FOXM1: variants seen among roughly 807,000 people sequenced by gnomAD.
The protein encoded by FOXM1 is forkhead box M1.
Under a neutral mutation model 63.6 loss-of-function variants are expected in FOXM1, and 25 were observed. The ratio of observed to expected loss-of-function variants is 0.39; its 90% CI spans 0.29 to 0.55. The LOEUF (loss-of-function observed/expected upper bound fraction) is 0.55, where lower values mean the gene tolerates loss of function less well. Ranked by LOEUF, FOXM1 falls within the 20% of genes least tolerant of loss-of-function variation. The pLI is 0.60. For missense variants in FOXM1, 879 were observed against 958.7 expected (o/e 0.92, Z 1.10); for synonymous variants, 387 against 376.9 (o/e 1.03, Z -0.31).
chr12:2,871,863 G>A (rs887305330), intron 3 of FOXM1, among the ~76,000 whole-genome samples: 1 of 152,136 alleles, frequency 6.6e-6, no homozygotes, highest in African/African-American at 2.4e-5. Context: ...TAAACCCAGT[G>A]CTGGCTGGAA....
chr12:2,875,964 C>T (rs2098142563), intron 1 of FOXM1, among the ~76,000 whole-genome samples: 1 of 150,738 alleles, frequency 6.6e-6, no homozygotes, highest in Admixed American at 6.6e-5. Flanking sequence ...CAGGGTTTCA[C>T]CATGTTTGCC....
rs368844245 is a variant in FOXM1 at position 2,864,454 on chromosome 12, G to C, written c.1132C>G (p.Leu378Val). ...KPLLPRVSSY[L>V]VPIQFPVNQS... The stretch of plus-strand genomic sequence containing the variant: ...TTCACCGGGAACTGGATAGGTACCA[G>C]GTATGAGCTGACCCGTGGTAGCAGT... The change falls in exon 8 of 9, where the codon CTG (leucine) becomes GTG (valine). Residue 378 changes from leucine to valine, a missense_variant. This residue lies in a region of FOXM1 where 76 missense variants were observed against 94.5 expected (regional missense o/e 0.80). Transcript: ENST00000359843. This position sits in a 1 kb window ranked among gnomAD's most constrained non-coding sequence, Gnocchi z 5.1. The C allele has an allele frequency of 4.3e-6, 7 of 1,614,064 alleles. No individual in the cohort carries two copies. The highest frequency in any genetic ancestry group is 5.9e-6 in the Non-Finnish European group (7 of 1,179,942).
In FOXM1 at chr12:2,858,487, G is replaced by A. The variant is rs2098096623; in HGVS notation, c.*151C>T. ...ACAAGGTCCCAGCAGTGGCTAGGGT[G>A]TGACTGCTACTTTTGCATAATCAGG... On this transcript the variant is annotated 3_prime_UTR_variant, in exon 9 of 9. Coordinates refer to ENST00000359843, the MANE Select transcript of FOXM1 (RefSeq NM_021953.4). 1.8e-5 allele frequency: 12 copies of A among 649,620 alleles called. No homozygotes were observed. Among genetic ancestry groups the A allele is most frequent in the Non-Finnish European group, 3.1e-5 (12 of 383,554 alleles). The allele number at this position is 649,620 out of a possible 1,614,324, so 40.2% of individuals were successfully genotyped here.
At position 2,859,220 on chromosome 12, in the gene FOXM1, G is replaced by A; in HGVS notation, c.1710C>T (p.Arg570=). Residue 570 remains arginine, a synonymous_variant, in exon 9 of 9, where the codon CGC becomes CGT. Coordinates refer to ENST00000359843, the MANE Select transcript of FOXM1 (RefSeq NM_021953.4). ...LLFSEGPSTS[R]WAAELPFPAD... ...CTGGGAACGGGAGCTCTGCGGCCCA[G>A]CGGGAAGTACTGGGCCCCTCTGAGA... is the stretch of plus-strand genomic sequence containing the variant. The A allele has an allele frequency of 6.2e-7, 1 of 1,613,138 alleles. No individual in the cohort carries two copies. Among genetic ancestry groups the A allele is most frequent in the East Asian group, 2.2e-5 (1 of 44,852 alleles).
In FOXM1 at chr12:2,868,024, C is replaced by CAA. The variant is rs1391225760; in HGVS notation, c.846+537_846+538dup. Among the ~76,000 whole-genome samples, 8 of 145,590 alleles carry CAA rather than the reference C, an allele frequency of 5.5e-5. No individual in the cohort carries two copies. In the East Asian group the frequency reaches 1.4e-3, roughly 26 times the overall value. ...AGAAAGAGTTCTACCATGAGGAAAA[C>CAA]AAAGCACACTTGACTTGGAATTGAG... On this transcript the variant is annotated intron_variant, in intron 4 of 8. Transcript: ENST00000359843.
At position 2,859,304 on chromosome 12, in the gene FOXM1, GCTCCTCTCC is replaced by G; in HGVS notation, c.1617_1625del (p.Arg539_Arg541del). 2 of 1,613,252 alleles carry G rather than the reference GCTCCTCTCC, an allele frequency of 1.2e-6. No homozygotes were observed. Among genetic ancestry groups the G allele is most frequent in the Non-Finnish European group, 8.5e-7 (1 of 1,179,890 alleles). On this transcript the variant is annotated inframe_deletion, in exon 9 of 9. Transcript: ENST00000359843. ...GTAGATGCTGTTTTCTCCGAGACCG[GCTCCTCTCC>G]CTCCTCTCCCTGTGTTGAATCACAA...
At position 2,858,783 on chromosome 12, in the gene FOXM1, C is replaced by T. The variant is rs146806643; in HGVS notation, c.2147G>A (p.Arg716His). 8.2e-5 allele frequency: 132 copies of T among 1,614,216 alleles called. No individual in the cohort carries two copies. In the East Asian group the frequency reaches 2.3e-3, roughly 28 times the overall value. ...CAGGACCAGGCCTTCTGTCAGAGAA[C>T]GATTGGCTGCAAGGCCAGAAACCTG... is the stretch of plus-strand genomic sequence containing the variant. ...EPQVSGLAAN[R>H]SLTEGLVLDT... Residue 716 changes from arginine (R) to histidine (H), a missense_variant, in exon 9 of 9, where the codon CGT becomes CAT. By Grantham distance (29) the Arg-to-His change is conservative. Coordinates refer to ENST00000359843, the MANE Select transcript of FOXM1 (RefSeq NM_021953.4).
chr12:2,864,092 C>T lies in FOXM1; in HGVS notation c.1266+228G>A. The T allele has an allele frequency of 2.0e-6, 1 of 497,506 alleles. No individual in the cohort carries two copies. Among genetic ancestry groups the T allele is most frequent in the Non-Finnish European group, 3.6e-6 (1 of 278,102 alleles). The allele number at this position is 497,506 out of a possible 1,614,324, so 30.8% of individuals were successfully genotyped here. On this transcript the variant is annotated intron_variant, in intron 8 of 8. Coordinates refer to ENST00000359843, the MANE Select transcript of FOXM1 (RefSeq NM_021953.4). The surrounding 1 kb of genome is among the most constrained non-coding windows in gnomAD (Gnocchi z 5.1). ...TATCACAATCACTTTTGTCTGAATT[C>T]TTACAAGCTCATCAGGTATTTATGG...
chr12:2,874,043 C>T lies in FOXM1; in HGVS notation c.436G>A (p.Ala146Thr). ...CTAGGAAGATTCACATCCCTAGCTG[C>T]AGGTTTTGGTCCCAAGGTCTCCAGG... ...VTLETLGPKP[A>T]ARDVNLPRPP... Residue 146 changes from alanine (A) to threonine (T), a missense_variant, in exon 2 of 9, where the codon GCA becomes ACA. By Grantham distance (58) the Ala-to-Thr change is moderately conservative. Coordinates refer to ENST00000359843, the MANE Select transcript of FOXM1 (RefSeq NM_021953.4). This position sits in a 1 kb window ranked among gnomAD's most constrained non-coding sequence, Gnocchi z 4.3. The T allele has an allele frequency of 1.9e-6, 3 of 1,614,138 alleles. No homozygotes were observed. The highest frequency in any genetic ancestry group is 1.7e-6 in the Non-Finnish European group (2 of 1,180,032).
rs2098118722 is a variant in FOXM1, at chr12:2,864,024, GCC to G, written c.1266+294_1266+295del. Reference sequence around the variant, plus strand: ...CCGGCCAAATCCATCTCTTTCTAAGGCCTGCCTCCCTTGTGTATCTTCCTTAA... The same window carrying G: ...CCGGCCAAATCCATCTCTTTCTAAGGTGCCTCCCTTGTGTATCTTCCTTAA... On this transcript the variant is annotated intron_variant, in intron 8 of 8. Coordinates refer to ENST00000359843, the MANE Select transcript of FOXM1 (RefSeq NM_021953.4). The surrounding 1 kb of genome is among the most constrained non-coding windows in gnomAD (Gnocchi z 5.1). The G allele has an allele frequency of 3.5e-6, 1 of 289,008 alleles. No homozygotes were observed. Among genetic ancestry groups the G allele is most frequent in the African/African-American group, 2.1e-5 (1 of 46,620 alleles). The allele number at this position is 289,008 out of a possible 1,614,324, so 17.9% of individuals were successfully genotyped here.
Position 2,864,377 on chromosome 12 carries a change from A to G in FOXM1, c.1209T>C (p.Ala403=). The stretch of plus-strand genomic sequence containing the variant: ...GGGCAAGCTCTGAGCTCATGAGGGA[A>G]GCCGCCAGGGGCAATGGCACCTTCA... The part of the protein sequence containing the change: ...PSVKVPLPLA[A]SLMSSELARH... The change falls in exon 8 of 9, where the codon GCT becomes GCC. Residue 403 remains alanine, a synonymous_variant. Transcript: ENST00000359843. This position sits in a 1 kb window ranked among gnomAD's most constrained non-coding sequence, Gnocchi z 5.1. 1 of 1,614,076 alleles carries G rather than the reference A, an allele frequency of 6.2e-7. No individual in the cohort carries two copies. Among genetic ancestry groups the G allele is most frequent in the East Asian group, 2.2e-5 (1 of 44,874 alleles).
At position 2,858,975 on chromosome 12, in the gene FOXM1, T is replaced by C. The variant is rs745897759; in HGVS notation, c.1955A>G (p.Asp652Gly). The change falls in exon 9 of 9, where the codon GAC becomes GGC. Residue 652 changes from aspartate to glycine, a missense_variant. Physicochemically the swap from Asp to Gly is moderately conservative, Grantham distance 94 (BLOSUM62 -1). Transcript: ENST00000359843. ...TSQGASDPLP[D>G]PLGLMDLSTT... ...GCTGAGATCCATCAGCCCCAGGGGGTCAGGCAAGGGGTCAGAGGCACCCTG... is the reference window on the plus strand; with the variant it reads ...GCTGAGATCCATCAGCCCCAGGGGGCCAGGCAAGGGGTCAGAGGCACCCTG... 1.9e-6 allele frequency: 3 copies of C among 1,612,396 alleles called. No individual in the cohort carries two copies. In the African/African-American group the frequency reaches 4.0e-5, roughly 22 times the overall value.
Position 2,872,045 on chromosome 12 carries a change from G to A in FOXM1, c.654+51C>T. 1 of 1,599,652 alleles carries A rather than the reference G, an allele frequency of 6.3e-7. No homozygotes were observed. Among genetic ancestry groups the A allele is most frequent in the Non-Finnish European group, 8.6e-7 (1 of 1,167,406 alleles). On this transcript the variant is annotated intron_variant, in intron 3 of 8. Transcript: ENST00000359843. The surrounding 1 kb of genome is among the most constrained non-coding windows in gnomAD (Gnocchi z 4.0). ...CCACTTGATCCATTTCCCTACCTAG[G>A]AATTCCCTACACTGGATCTGATTTC...
chr12:2,866,192 T>A (rs1246202678), intron 5 of FOXM1, among the ~76,000 whole-genome samples: 1 of 152,208 alleles, frequency 6.6e-6, no homozygotes, highest in African/African-American at 2.4e-5. Flanking sequence ...CTCCTTGCTC[T>A]GGTCTGGCAC....
intron 4 of FOXM1, among the ~76,000 whole-genome samples, chr12:2,867,996 A>G (rs1045544549): frequency 5.9e-5 from 9 of 151,788 alleles, no homozygotes; most frequent in East Asian, 5.8e-4. Context: ...AAAAAAAAAA[A>G]AAAGAAAGAG....
Position 2,874,914 on chromosome 12 carries a change from A to G in FOXM1, c.-47-389T>C, listed in dbSNP as rs114187369. ...ATGGACAGAAATGGAAGATGCTAGA[A>G]TAGGAAAGCATATGGTAATTAGGAG... On this transcript the variant is annotated intron_variant, in intron 1 of 8. Transcript: ENST00000359843. The surrounding 1 kb of genome is among the most constrained non-coding windows in gnomAD (Gnocchi z 4.3). Among the ~76,000 whole-genome samples, 172 of 152,304 alleles carry G rather than the reference A, an allele frequency of 1.1e-3. 1 individual carries two copies. Among genetic ancestry groups the G allele is most frequent in the African/African-American group, 3.8e-3 (160 of 41,570 alleles).
chr12:2,862,344 A>T (rs2098115402), intron 8 of FOXM1, among the ~76,000 whole-genome samples: 1 of 152,146 alleles, frequency 6.6e-6, no homozygotes, highest in Non-Finnish European at 1.5e-5. Flanking sequence ...ATAAATTATC[A>T]ACCAGTTATC....
Position 2,859,512 on chromosome 12 carries a change from A to G in FOXM1, c.1418T>C (p.Leu473Ser). 6.2e-7 allele frequency: 1 copy of G among 1,613,938 alleles called. No homozygotes were observed. Among genetic ancestry groups the G allele is most frequent in the Non-Finnish European group, 8.5e-7 (1 of 1,179,986 alleles). The change falls in exon 9 of 9, where the codon TTA becomes TCA. Residue 473 changes from leucine to serine, a missense_variant. By Grantham distance (145) the Leu-to-Ser change is moderately radical (BLOSUM62 -2). Coordinates refer to ENST00000359843, the MANE Select transcript of FOXM1 (RefSeq NM_021953.4). ...GCTCTCCACTTTGATGGGTCTCGCTAAGTGTGGCATTTCCTCCCCAGGCTG... is the reference window on the plus strand; with the variant it reads ...GCTCTCCACTTTGATGGGTCTCGCTGAGTGTGGCATTTCCTCCCCAGGCTG... ...EIQPGEEMPH[L>S]ARPIKVESPP...
chr12:2,859,768 A>C, intron 8 of FOXM1, 105 bp from the exon 9 acceptor site: 1 of 795,756 alleles, frequency 1.3e-6, no homozygotes, highest in Non-Finnish European at 1.9e-6. Context: ...GAAGTCTTAA[A>C]ATCTATTAAA....
Sources: allele counts gnomAD v4.1 joint callset (sites outside exome capture counted in the v4.1 genomes callset), GRCh38; gene constraint gnomAD v4.1.1; regional missense constraint gnomAD v4.1.1; non-coding constraint Gnocchi (gnomAD v3.1); transcripts MANE v1.5; gene names NCBI Gene and HGNC (gene_info 2026-07-23, HGNC 2026-07-21).